Variants in RUFY1 observed in about 807,000 individuals in gnomAD.
RUFY1 encodes the protein RUN and FYVE domain-containing protein 1.
A neutral mutation model predicts 94.6 loss-of-function variants in RUFY1; 54 were observed. That is an observed-to-expected ratio of 0.57 (90% CI 0.46 to 0.72). The LOEUF (loss-of-function observed/expected upper bound fraction) is 0.72, where lower values mean the gene tolerates loss of function less well. Ranked by LOEUF, RUFY1 falls within the 30% of genes least tolerant of loss-of-function variation. The probability of loss-of-function intolerance (pLI) is 0.00; values close to 1 mark genes in which losing one functional copy is unlikely to be tolerated. For missense variants in RUFY1, 883 were observed against 883.9 expected, an observed-to-expected ratio of 1.00 and a Z score of 0.01; for synonymous variants, 396 against 347.3, an observed-to-expected ratio of 1.14 and a Z score of -1.56.
chr5:179,551,950 G>A (rs1401600706), intron 1 of RUFY1, among the ~76,000 whole-genome samples: 1 of 151,562 alleles, frequency 6.6e-6, no homozygotes, highest in African/African-American at 2.4e-5. Context: ...TGGATCACGA[G>A]GTCAAGAGAT....
At chr5:179,564,420 GTTT>G (rs60186448) in intron 3 of RUFY1, among the ~76,000 whole-genome samples, 5 of 123,630 alleles carry the variant, frequency 4.0e-5, no homozygotes, top group African/African-American at 1.2e-4. Flanking sequence ...GTGCCTGGCT[GTTT>G]TTTTTTTTTT....
chr5:179,561,584 CA>C (rs903694717), intron 2 of RUFY1, among the ~76,000 whole-genome samples: 4 of 92,914 alleles, frequency 4.3e-5, no homozygotes, highest in Admixed American at 1.1e-4. Context: ...CTGAAAAAAA[CA>C]AAAAAAAATA....
At chr5:179,600,250 C>G (rs1387282876) in intron 14 of RUFY1, among the ~76,000 whole-genome samples, 1 of 152,198 alleles carries the variant, frequency 6.6e-6, no homozygotes, top group Non-Finnish European at 1.5e-5. Flanking sequence ...AGAGCCACCC[C>G]GCCACTCGGG....
chr5:179,593,768 C>G, intron 11 of RUFY1, 123 bp downstream of exon 11: 1 of 1,403,692 alleles, frequency 7.1e-7, no homozygotes, highest in Non-Finnish European at 9.5e-7. Context: ...AGACCTGCTC[C>G]TAGGACCTAT....
chr5:179,584,541 G>T (rs542853562), intron 7 of RUFY1, among the ~76,000 whole-genome samples: 40 of 152,310 alleles, frequency 2.6e-4, no homozygotes, highest in Middle Eastern at 3.4e-3. Context: ...CAGTTTGGGA[G>T]GCTGGGGCAG....
chr5:179,586,487 C>G (rs758894866), intron 8 of RUFY1: 29 of 454,928 alleles, frequency 6.4e-5, no homozygotes, highest in Non-Finnish European at 1.1e-4. Context: ...TAGCAGTCCC[C>G]GGCTGCCCAG....
intron 5 of RUFY1, among the ~76,000 whole-genome samples, chr5:179,573,818 G>A (rs189444550): frequency 3.9e-5 from 6 of 152,148 alleles, no homozygotes; most frequent in South Asian, 4.2e-4. Context: ...CACCGTGCCC[G>A]GCCTACTTTG....
In RUFY1 at chr5:179,550,781, G is replaced by T. The variant is rs768128345; in HGVS notation, c.212G>T (p.Arg71Leu). The change falls in exon 1 of 18, where the codon CGC (arginine) becomes CTC (leucine). Residue 71 changes from arginine (R) to leucine (L), a missense_variant. Physicochemically the swap from Arg to Leu is moderately radical, Grantham distance 102 (BLOSUM62 -2). Transcript: ENST00000319449. ...TCGGCGCCCATCCTGACCCTGGCAC[G>T]CAGGGCCACCGGGAACCTGTCGGCG... Reference protein sequence around the residue: ...GWSAPILTLARRATGNLSASC... With the variant: ...GWSAPILTLALRATGNLSASC... 195 of 1,383,786 alleles carry T rather than the reference G, an allele frequency of 1.4e-4. No homozygotes were observed. Among genetic ancestry groups the T allele is most frequent in the Non-Finnish European group, 1.7e-4 (186 of 1,063,876 alleles). 85.7% of individuals were successfully genotyped at this position (1,383,786 alleles called of 1,614,324 possible).
At chr5:179,593,312 A>G (rs925689815) in intron 10 of RUFY1, among the ~76,000 whole-genome samples, 166 bp from the exon 11 acceptor site, 1 of 152,086 alleles carries the variant, frequency 6.6e-6, no homozygotes, top group African/African-American at 2.4e-5. Context: ...TCCTGGCCTC[A>G]AGTGATCCGC....
intron 3 of RUFY1, among the ~76,000 whole-genome samples, chr5:179,565,164 CTTTTTTTTTTTTTTT>C (rs138223106): frequency 2.8e-4 from 20 of 71,940 alleles, no homozygotes; most frequent in East Asian, 5.0e-4. Context: ...TCTAGGTTTT[CTTTTTTTTTTTTTTT>C]TTTTTTTTTT....
intron 5 of RUFY1, among the ~76,000 whole-genome samples, chr5:179,570,847 A>G (rs1348136118): frequency 6.6e-6 from 1 of 151,976 alleles, no homozygotes. Context: ...TCAGAGAAGT[A>G]TTTTTGAAAA....
At chr5:179,579,657 C>CTTTTGTTTTT (rs1763942314) in intron 6 of RUFY1, among the ~76,000 whole-genome samples, 1 of 50,548 alleles carries the variant, frequency 2.0e-5, no homozygotes, top group Non-Finnish European at 3.8e-5. Flanking sequence ...TTTTCTTCTT[C>CTTTTGTTTTT]TTTTTTTTTT....
chr5:179,562,539 C>T lies in RUFY1; in HGVS notation c.485-8C>T. The T allele has an allele frequency of 6.5e-7, 1 of 1,546,110 alleles. No homozygotes were observed. The highest frequency in any genetic ancestry group is 1.7e-5 in the Admixed American group (1 of 58,372). On this transcript the variant is annotated splice_region_variant and splice_polypyrimidine_tract_variant and intron_variant, in intron 2 of 17. Transcript: ENST00000319449. ...TCTTATGAATAACACTTTTGTTTTT[C>T]CTTTTAGTTAAGAAGAGTTTTATTG... is the stretch of plus-strand genomic sequence containing the variant.
intron 1 of RUFY1, among the ~76,000 whole-genome samples, chr5:179,551,959 A>T (rs1300335665): frequency 6.6e-6 from 1 of 151,108 alleles, no homozygotes; most frequent in Non-Finnish European, 1.5e-5. Flanking sequence ...AGGTCAAGAG[A>T]TCGAGACCAT....
intron 15 of RUFY1, among the ~76,000 whole-genome samples, chr5:179,603,455 C>T (rs1049360513): frequency 1.4e-5 from 2 of 147,092 alleles, no homozygotes; most frequent in South Asian, 2.4e-4. Context: ...CAGCTGAGTG[C>T]CCTGTGCTGC....
chr5:179,576,281 T>G (rs1359436278), intron 5 of RUFY1, among the ~76,000 whole-genome samples: 1 of 152,188 alleles, frequency 6.6e-6, no homozygotes, highest in East Asian at 1.9e-4. Context: ...CCGTTGATGT[T>G]TAGATGTGTA....
intron 3 of RUFY1, among the ~76,000 whole-genome samples, chr5:179,567,009 G>T (rs951464525): frequency 6.6e-6 from 1 of 151,964 alleles, no homozygotes; most frequent in Non-Finnish European, 1.5e-5. Context: ...AGCTGAGATT[G>T]CACCACTGCA....
At chr5:179,559,360 A>G (rs1206363562) in intron 1 of RUFY1, among the ~76,000 whole-genome samples, 1 of 152,246 alleles carries the variant, frequency 6.6e-6, no homozygotes, top group Non-Finnish European at 1.5e-5. Context: ...CTTACCAAAA[A>G]ACAAAGTGTG....
chr5:179,602,204 T>C (rs1193288951), intron 15 of RUFY1: 1 of 549,488 alleles, frequency 1.8e-6, no homozygotes, highest in Admixed American at 3.1e-5. Context: ...CTTAGTTAAT[T>C]CAGGAAGCAC....
Sources: allele counts gnomAD v4.1 joint callset (sites outside exome capture counted in the v4.1 genomes callset), GRCh38; gene constraint gnomAD v4.1.1; transcripts MANE v1.5; gene names NCBI Gene and HGNC (gene_info 2026-07-23, HGNC 2026-07-21).